Variants in EDIL3 observed in about 807,000 individuals in gnomAD.
EDIL3 encodes the protein EGF like and discoidin domains 3, also known as EGF-like repeat and discoidin I-like domain-containing protein 3.
Under a neutral mutation model 67.4 loss-of-function variants are expected in EDIL3, and 37 were observed. That is an observed-to-expected ratio of 0.55 (90% confidence interval 0.42 to 0.72). The LOEUF (loss-of-function observed/expected upper bound fraction) is 0.72, where lower values mean the gene tolerates loss of function less well. EDIL3 is among the 30% of genes least tolerant of loss of function. The probability of loss-of-function intolerance (pLI) is 0.00; values close to 1 mark genes in which losing one functional copy is unlikely to be tolerated. For missense variants in EDIL3, 527 were observed against 586.3 expected (o/e 0.90, Z 1.04); for synonymous variants, 195 against 196.3 (o/e 0.99, Z 0.05).
intron 1 of EDIL3, among the ~76,000 whole-genome samples, chr5:84,338,477 C>T (rs1378454592): frequency 6.6e-6 from 1 of 152,182 alleles, no homozygotes; most frequent in East Asian, 1.9e-4. Context: ...CTGCCTCCCT[C>T]TCTGTCTCCC....
At chr5:84,280,498 CTG>C (rs113640322) in intron 1 of EDIL3, among the ~76,000 whole-genome samples, 4,182 of 152,218 alleles carry the variant, frequency 0.027, 208 homozygotes, top group African/African-American at 0.097. Flanking sequence ...GAGCCACTAT[CTG>C]TGAATATATT....
chr5:84,346,771 A>G (rs1316186716), intron 1 of EDIL3, among the ~76,000 whole-genome samples: 1 of 151,914 alleles, frequency 6.6e-6, no homozygotes, highest in Non-Finnish European at 1.5e-5. Flanking sequence ...TCCTCTTTCT[A>G]CTAGAAACTA....
chr5:84,205,650 T>C (rs1490564664), intron 3 of EDIL3, among the ~76,000 whole-genome samples: 6 of 152,142 alleles, frequency 3.9e-5, no homozygotes, highest in South Asian at 4.2e-4. Flanking sequence ...GGAGAGTGTA[T>C]GTGTCAAGGA....
intron 1 of EDIL3, among the ~76,000 whole-genome samples, chr5:84,322,087 G>A (rs1746660019): frequency 6.7e-6 from 1 of 150,362 alleles, no homozygotes. Context: ...ATAATAATAA[G>A]CAAAACACCC....
intron 10 of EDIL3, among the ~76,000 whole-genome samples, chr5:83,956,950 TCTTAA>T (rs1744526647): frequency 6.6e-6 from 1 of 151,734 alleles, no homozygotes. Flanking sequence ...ATAATGGTCT[TCTTAA>T]CTTTAGTTTC....
At chr5:84,025,774 A>G (rs776337651) in intron 9 of EDIL3, among the ~76,000 whole-genome samples, 17 of 152,298 alleles carry the variant, frequency 1.1e-4, no homozygotes, top group Admixed American at 9.2e-4. Context: ...TGGCATCATG[A>G]TTGTATGTAA....
At chr5:83,959,422 C>T (rs1053815845) in intron 10 of EDIL3, among the ~76,000 whole-genome samples, 4 of 150,766 alleles carry the variant, frequency 2.7e-5, no homozygotes, top group African/African-American at 9.7e-5. Flanking sequence ...TCCACACCCA[C>T]CCTCCAAAAA....
intron 5 of EDIL3, among the ~76,000 whole-genome samples, chr5:84,114,124 C>A (rs1277933963): frequency 6.7e-6 from 1 of 148,208 alleles, no homozygotes; most frequent in Non-Finnish European, 1.5e-5. Flanking sequence ...ACGCTGTGGC[C>A]TGAGGGTTTA....
intron 1 of EDIL3, among the ~76,000 whole-genome samples, chr5:84,284,399 C>A (rs1221078759): frequency 2.0e-5 from 3 of 152,032 alleles, no homozygotes; most frequent in Non-Finnish European, 4.4e-5. Context: ...GGCTACTATA[C>A]CCATGCACTT....
rs139531230 is a variant in EDIL3, at chr5:84,156,780, A to G, written c.356-19426T>C. ...TGACTGCGCAGTCAAATTACAGAAGAGTATATTCCCTAAGAGAGCAATAAT... is the reference window on the plus strand; with the variant it reads ...TGACTGCGCAGTCAAATTACAGAAGGGTATATTCCCTAAGAGAGCAATAAT... On this transcript the variant is annotated intron_variant, in intron 4 of 10. Coordinates refer to ENST00000296591, the MANE Select transcript of EDIL3 (RefSeq NM_005711.5). Among the ~76,000 whole-genome samples, 19 of 152,294 alleles carry G rather than the reference A, an allele frequency of 1.2e-4. No individual in the cohort carries two copies. The East Asian group carries it at 3.7e-3, about 29-fold the overall frequency.
chr5:84,013,430 T>G (rs1745550179), intron 9 of EDIL3, among the ~76,000 whole-genome samples: 1 of 152,122 alleles, frequency 6.6e-6, no homozygotes, highest in East Asian at 1.9e-4. Flanking sequence ...AATTATCTTA[T>G]TATGAAGACT....
At chr5:84,056,876 T>C (rs2112231778) in intron 9 of EDIL3, among the ~76,000 whole-genome samples, 1 of 152,162 alleles carries the variant, frequency 6.6e-6, no homozygotes, top group East Asian at 1.9e-4. Flanking sequence ...GTTACCTCTA[T>C]ATAAACAACT....
At chr5:83,958,998 A>T (rs1243711823) in intron 10 of EDIL3, among the ~76,000 whole-genome samples, 2 of 151,212 alleles carry the variant, frequency 1.3e-5, no homozygotes, top group African/African-American at 2.4e-5. Context: ...CAATTACAAG[A>T]GATTTAATGT....
intron 1 of EDIL3, among the ~76,000 whole-genome samples, chr5:84,297,809 A>T (rs2112126446): frequency 6.6e-6 from 1 of 152,296 alleles, no homozygotes; most frequent in East Asian, 1.9e-4. Flanking sequence ...AGGTTCTTTT[A>T]ACTCAAGATA....
chr5:83,951,544 G>T (rs72774736), intron 10 of EDIL3, among the ~76,000 whole-genome samples: 37,918 of 151,248 alleles, frequency 0.25, 5,213 homozygotes, highest in South Asian at 0.38. Context: ...ATAATAATTG[G>T]CCAAAACATA....
chr5:84,222,840 G>A (rs978367968), intron 3 of EDIL3, among the ~76,000 whole-genome samples: 9 of 151,608 alleles, frequency 5.9e-5, no homozygotes, highest in African/African-American at 2.2e-4. Flanking sequence ...AACTATTTGC[G>A]ATTGACTCAT....
At chr5:84,202,861 A>AT (rs1057072057) in intron 3 of EDIL3, among the ~76,000 whole-genome samples, 2 of 152,118 alleles carry the variant, frequency 1.3e-5, no homozygotes, top group African/African-American at 2.4e-5. Context: ...AATGATTGTA[A>AT]TTTTACCATT....
At chr5:84,335,626 T>C (rs1006459840) in intron 1 of EDIL3, among the ~76,000 whole-genome samples, 1 of 152,100 alleles carries the variant, frequency 6.6e-6, no homozygotes, top group African/African-American at 2.4e-5. Flanking sequence ...AATAAGCAAA[T>C]GGAGAACCCA....
At chr5:84,157,444 TG>T (rs1458014981) in intron 4 of EDIL3, among the ~76,000 whole-genome samples, 6 of 152,078 alleles carry the variant, frequency 3.9e-5, no homozygotes, top group Non-Finnish European at 4.4e-5. Flanking sequence ...ATAAAGAGGT[TG>T]GGGACCATGG....
Sources: gnomAD v4.1 joint callset for allele counts (sites outside exome capture counted in the v4.1 genomes callset) on GRCh38, gnomAD v4.1.1 for gene constraint, MANE v1.5 for transcripts, NCBI Gene and HGNC (gene_info 2026-07-23, HGNC 2026-07-21) for gene names.